The following ITFG1 variants were observed in gnomAD, a reference collection of about 807,000 sequenced individuals.
ITFG1 encodes T-cell immunomodulatory protein.
Under a neutral mutation model 81.8 loss-of-function variants are expected in ITFG1, and 34 were observed. The observed-to-expected ratio is 0.42, with a 90% CI of 0.32 to 0.55. ITFG1 has a LOEUF of 0.55. Among genes scored for constraint, ITFG1 ranks in the 20% least tolerant of loss-of-function variants. The probability of loss-of-function intolerance (pLI) is 0.17; values close to 1 mark genes in which losing one functional copy is unlikely to be tolerated. For missense variants in ITFG1, 672 were observed against 755.4 expected (o/e 0.89, Z 1.29); for synonymous variants, 285 against 270.6 (o/e 1.05, Z -0.52).
intron 6 of ITFG1, among the ~76,000 whole-genome samples, chr16:47,389,940 T>G (rs557968068): frequency 6.6e-6 from 1 of 152,292 alleles, no homozygotes; most frequent in African/African-American, 2.4e-5. Flanking sequence ...AATAAGAACA[T>G]TAATAACTTG....
At chr16:47,245,887 C>G (rs1285709180) in intron 12 of ITFG1, among the ~76,000 whole-genome samples, 1 of 151,590 alleles carries the variant, frequency 6.6e-6, no homozygotes, top group Non-Finnish European at 1.5e-5. Flanking sequence ...GGACCATACT[C>G]ACGGTCACAA....
intron 13 of ITFG1, among the ~76,000 whole-genome samples, chr16:47,224,325 G>A (rs1965732585): frequency 6.6e-6 from 1 of 152,170 alleles, no homozygotes; most frequent in African/African-American, 2.4e-5. Context: ...ATCTTAAAAG[G>A]AAAAATGGAA....
At position 47,316,898 on chromosome 16, in the gene ITFG1, T is replaced by C. The variant is rs189504901; in HGVS notation, c.803-3075A>G. ...AAGAAGGGCATGCTGATGGAGATGC[T>C]AGCCTGTGAACTTGGCACAGTACTT... On this transcript the variant is annotated intron_variant, in intron 8 of 17. Transcript: ENST00000320640. Among the ~76,000 whole-genome samples, 5 of 152,340 alleles carry C rather than the reference T, an allele frequency of 3.3e-5. No homozygotes were observed. In the East Asian group the frequency reaches 9.6e-4, roughly 29 times the overall value.
intron 13 of ITFG1, among the ~76,000 whole-genome samples, chr16:47,232,022 G>A (rs926219272): frequency 1.3e-5 from 2 of 152,202 alleles, no homozygotes; most frequent in Admixed American, 1.3e-4. Context: ...TGGGTATGGA[G>A]GAAAGGGCCA....
intron 8 of ITFG1, among the ~76,000 whole-genome samples, chr16:47,327,020 A>T (rs1363248720): frequency 6.6e-6 from 1 of 152,220 alleles, no homozygotes; most frequent in Non-Finnish European, 1.5e-5. Context: ...TCGCCAAGTC[A>T]ATCCTAAGCC....
intron 13 of ITFG1, among the ~76,000 whole-genome samples, chr16:47,225,719 G>A (rs1376105294): frequency 6.6e-6 from 1 of 152,112 alleles, no homozygotes; most frequent in Non-Finnish European, 1.5e-5. Flanking sequence ...CAAAAATGGG[G>A]GGAAATTAAC....
At chr16:47,379,591 T>G (rs1401071627) in intron 6 of ITFG1, among the ~76,000 whole-genome samples, 1 of 151,230 alleles carries the variant, frequency 6.6e-6, no homozygotes, top group Admixed American at 6.6e-5. Context: ...AGGAGGCTGA[T>G]GCAGAATTGC....
intron 12 of ITFG1, among the ~76,000 whole-genome samples, chr16:47,241,092 G>T (rs1049731724): frequency 1.3e-5 from 2 of 150,506 alleles, no homozygotes; most frequent in African/African-American, 4.9e-5. Flanking sequence ...AACTCACAAT[G>T]AGTTAACATT....
chr16:47,368,966 A>T (rs1042872062), intron 7 of ITFG1, among the ~76,000 whole-genome samples: 1 of 152,200 alleles, frequency 6.6e-6, no homozygotes, highest in African/African-American at 2.4e-5. Flanking sequence ...GGGGGAAAAG[A>T]CAACACTTTA....
At chr16:47,250,452 G>A (rs1345101314) in intron 12 of ITFG1, among the ~76,000 whole-genome samples, 2 of 151,146 alleles carry the variant, frequency 1.3e-5, no homozygotes, top group African/African-American at 2.4e-5. Flanking sequence ...AGAACATATC[G>A]AATAAAAAAA....
intron 6 of ITFG1, among the ~76,000 whole-genome samples, chr16:47,384,898 T>C (rs1445326309): frequency 6.6e-6 from 1 of 152,120 alleles, no homozygotes; most frequent in African/African-American, 2.4e-5. Flanking sequence ...GCCAATGTGG[T>C]GAGGTTACTG....
intron 8 of ITFG1, among the ~76,000 whole-genome samples, chr16:47,341,362 CAG>C (rs1272522592): frequency 7.3e-6 from 1 of 137,140 alleles, no homozygotes; most frequent in African/African-American, 2.8e-5. Context: ...CCCTTGAGCC[CAG>C]GAGTTGGAGA....
intron 7 of ITFG1, among the ~76,000 whole-genome samples, chr16:47,370,309 T>C (rs1011241330): frequency 6.6e-6 from 1 of 152,126 alleles, no homozygotes; most frequent in African/African-American, 2.4e-5. Flanking sequence ...TGATGCCTCT[T>C]AGACAATAAA....
intron 8 of ITFG1, among the ~76,000 whole-genome samples, chr16:47,324,672 A>C (rs1967503431): frequency 6.6e-6 from 1 of 152,164 alleles, no homozygotes. Flanking sequence ...ACAAAAAGGC[A>C]GGGGTTGCAA....
chr16:47,294,400 T>G (rs187842713), intron 10 of ITFG1, among the ~76,000 whole-genome samples: 4 of 152,250 alleles, frequency 2.6e-5, no homozygotes. Context: ...AAAACTGACA[T>G]TGGCATTTTC....
intron 12 of ITFG1, among the ~76,000 whole-genome samples, chr16:47,253,425 G>A (rs886733272): frequency 5.3e-5 from 8 of 152,216 alleles, no homozygotes; most frequent in Admixed American, 5.2e-4. Context: ...TCACTGTCAG[G>A]TAGTTTGCTG....
Position 47,454,122 on chromosome 16 carries a change from C to A in ITFG1, c.318G>T (p.Gly106=). The change falls in exon 3 of 18, where the codon GGG becomes GGT. Residue 106 remains glycine (G), a synonymous_variant. Coordinates refer to ENST00000320640, the MANE Select transcript of ITFG1 (RefSeq NM_030790.5). ...HSALITSVVP[G]DYDGDSQMDV... is the part of the protein sequence containing the mutation. ...CCATTTGAGAATCTCCATCATAATC[C>A]CCAGGGACTACACTTGTTATCAATG... 6.2e-7 allele frequency: 1 copy of A among 1,607,614 alleles called. No individual in the cohort carries two copies. The highest frequency in any genetic ancestry group is 1.3e-5 in the African/African-American group (1 of 74,812).
At chr16:47,330,523 AAC>A (rs1967622583) in intron 8 of ITFG1, among the ~76,000 whole-genome samples, 1 of 152,174 alleles carries the variant, frequency 6.6e-6, no homozygotes, top group African/African-American at 2.4e-5. Flanking sequence ...CTAAACTATC[AAC>A]AGAGTAAAAA....
At chr16:47,458,764 C>T (rs1181100757) in intron 2 of ITFG1, among the ~76,000 whole-genome samples, 2 of 151,954 alleles carry the variant, frequency 1.3e-5, no homozygotes, top group East Asian at 3.9e-4. Context: ...CAACACATGG[C>T]TAATACAATG....
Sources: gnomAD v4.1 joint callset for allele counts (sites outside exome capture counted in the v4.1 genomes callset) on GRCh38, gnomAD v4.1.1 for gene constraint, MANE v1.5 for transcripts, NCBI Gene and HGNC (gene_info 2026-07-23, HGNC 2026-07-21) for gene names.